Variants in NRG1 observed in about 807,000 individuals in gnomAD.
NRG1 encodes the protein neuregulin 1, also known as pro-neuregulin-1, membrane-bound isoform.
A neutral mutation model predicts 63.8 loss-of-function variants in NRG1; 18 were observed. That is an observed-to-expected ratio of 0.28 (90% CI 0.19 to 0.42). The LOEUF (loss-of-function observed/expected upper bound fraction) is 0.42. Among genes scored for constraint, NRG1 ranks in the 10% least tolerant of loss-of-function variants. The probability of loss-of-function intolerance (pLI) is 1.00; values close to 1 mark genes in which losing one functional copy is unlikely to be tolerated. For synonymous variants in NRG1, 302 were observed against 301.3 expected (o/e 1.00, Z -0.02); for missense variants, 762 against 814.7 (o/e 0.94, Z 0.79).
chr8:32,493,127 T>TAACC (rs1826799437), intron 1 of NRG1, among the ~76,000 whole-genome samples: 3 of 152,164 alleles, frequency 2.0e-5, no homozygotes, highest in Non-Finnish European at 2.9e-5. Flanking sequence ...TAACAACCCT[T>TAACC]CTGTGTGTTA....
chr8:31,855,478 C>T (rs1827760648), intron 1 of NRG1, among the ~76,000 whole-genome samples: 1 of 152,114 alleles, frequency 6.6e-6, no homozygotes, highest in African/African-American at 2.4e-5. Context: ...GATCTTCCTC[C>T]ATCCTTTTAT....
chr8:32,457,571 C>T (rs944773431), intron 1 of NRG1, among the ~76,000 whole-genome samples: 18 of 152,152 alleles, frequency 1.2e-4, no homozygotes, highest in Admixed American at 1.1e-3. Flanking sequence ...TATGATTCCT[C>T]TTAGCAATAA....
intron 5 of NRG1, among the ~76,000 whole-genome samples, chr8:32,711,856 T>C (rs943530680): frequency 6.6e-6 from 1 of 152,202 alleles, no homozygotes; most frequent in Admixed American, 6.5e-5. Context: ...TAGTTGGTGA[T>C]GACTCATTCT....
chr8:31,889,212 C>T (rs115735900), intron 1 of NRG1, among the ~76,000 whole-genome samples: 5,976 of 152,160 alleles, frequency 0.039, 417 homozygotes, highest in African/African-American at 0.14. Context: ...ACAAATCCAG[C>T]GTTTTTCCTT....
intron 1 of NRG1, among the ~76,000 whole-genome samples, chr8:32,315,859 C>T (rs1244145319): frequency 6.7e-6 from 1 of 149,232 alleles, no homozygotes; most frequent in Non-Finnish European, 1.5e-5. Context: ...TAATGCTTGC[C>T]ATTGGGCCAA....
At chr8:32,326,348 G>A (rs1802022131) in intron 1 of NRG1, among the ~76,000 whole-genome samples, 1 of 130,272 alleles carries the variant, frequency 7.7e-6, no homozygotes, top group Non-Finnish European at 1.5e-5. Context: ...GTCTCACTCT[G>A]TCACCCAGGC....
At chr8:32,140,370 A>T (rs1260156281) in intron 1 of NRG1, among the ~76,000 whole-genome samples, 2 of 151,756 alleles carry the variant, frequency 1.3e-5, no homozygotes, top group African/African-American at 4.8e-5. Context: ...TCTCCCTTTC[A>T]GTCAGGTAGA....
intron 1 of NRG1, among the ~76,000 whole-genome samples, chr8:31,852,676 T>C (rs1317789362): frequency 6.6e-6 from 1 of 152,088 alleles, no homozygotes; most frequent in Non-Finnish European, 1.5e-5. Flanking sequence ...AGACATGAAG[T>C]CCTTGCCCAT....
chr8:32,108,094 A>G (rs1291957062), intron 1 of NRG1, among the ~76,000 whole-genome samples: 3 of 152,164 alleles, frequency 2.0e-5, no homozygotes, highest in Non-Finnish European at 4.4e-5. Context: ...ATTGAAACCC[A>G]GAGAAAAAAC....
chr8:31,949,805 C>T (rs1309733939), intron 1 of NRG1, among the ~76,000 whole-genome samples: 1 of 152,182 alleles, frequency 6.6e-6, no homozygotes, highest in African/African-American at 2.4e-5. Flanking sequence ...CTGGATATCT[C>T]TCAGTATCCC....
intron 5 of NRG1, among the ~76,000 whole-genome samples, chr8:32,692,774 G>C (rs144490701): frequency 1.1e-3 from 171 of 152,230 alleles, no homozygotes; most frequent in Middle Eastern, 6.8e-3. Context: ...GAAATCTGCC[G>C]AGTGCATGGG....
chr8:32,730,383 G>A (rs1440692053), intron 6 of NRG1, among the ~76,000 whole-genome samples: 2 of 152,104 alleles, frequency 1.3e-5, no homozygotes, highest in Non-Finnish European at 2.9e-5. Context: ...AGCCCGGAAG[G>A]TTGAGCCTGC....
At chr8:32,656,149 C>T (rs1212950352) in intron 5 of NRG1, among the ~76,000 whole-genome samples, 1 of 151,878 alleles carries the variant, frequency 6.6e-6, no homozygotes, top group African/African-American at 2.4e-5. Flanking sequence ...TGTATACATA[C>T]ATACATATAA....
chr8:32,544,976 T>C (rs1423122648), upstream of NRG1, among the ~76,000 whole-genome samples: 1 of 152,184 alleles, frequency 6.6e-6, no homozygotes, highest in Non-Finnish European at 1.5e-5. Flanking sequence ...AAAGTAATCT[T>C]TGTTTACATT....
chr8:31,950,972 G>T (rs1171759892), intron 1 of NRG1, among the ~76,000 whole-genome samples: 2 of 152,164 alleles, frequency 1.3e-5, no homozygotes, highest in Non-Finnish European at 2.9e-5. Flanking sequence ...CTAAGTAATG[G>T]AAAATAACAG....
At chr8:31,881,608 T>C (rs1376142905) in intron 1 of NRG1, among the ~76,000 whole-genome samples, 7 of 152,218 alleles carry the variant, frequency 4.6e-5, no homozygotes, top group Non-Finnish European at 8.8e-5. Context: ...AAAGCTGAGA[T>C]AGGCCAATAG....
intron 1 of NRG1, among the ~76,000 whole-genome samples, chr8:32,162,961 C>T (rs1838998258): frequency 6.6e-6 from 1 of 152,150 alleles, no homozygotes; most frequent in East Asian, 1.9e-4. Context: ...TATGGTGTCT[C>T]CTGACACTTC....
At chr8:32,356,238 A>AAAGTT (rs1806370219) in intron 1 of NRG1, among the ~76,000 whole-genome samples, 2 of 152,360 alleles carry the variant, frequency 1.3e-5, no homozygotes, top group African/African-American at 4.8e-5. Context: ...AAAAATGTTT[A>AAAGTT]AAGTTCCATT....
chr8:32,043,941 A>G (rs1433069139), intron 1 of NRG1, among the ~76,000 whole-genome samples: 2 of 152,060 alleles, frequency 1.3e-5, no homozygotes, highest in Non-Finnish European at 1.5e-5. Flanking sequence ...GTAGACTTAA[A>G]TCCAAGCATA....
Sources: allele counts gnomAD v4.1 joint callset (sites outside exome capture counted in the v4.1 genomes callset), GRCh38; gene constraint gnomAD v4.1.1; transcripts MANE v1.5; gene names NCBI Gene and HGNC (gene_info 2026-07-23, HGNC 2026-07-21).